PLEKHB1: variants seen among roughly 807,000 people sequenced by gnomAD.
The protein encoded by PLEKHB1 is pleckstrin homology domain-containing family B member 1.
A neutral mutation model predicts 36.2 loss-of-function variants in PLEKHB1; 29 were observed. That is an observed-to-expected ratio of 0.80 (90% CI 0.60 to 1.09). The LOEUF (loss-of-function observed/expected upper bound fraction) is 1.09, where lower values mean the gene tolerates loss of function less well. Among genes scored for constraint, PLEKHB1 ranks in the 50% least tolerant of loss-of-function variants. PLEKHB1 has a pLI of 0.00. For missense variants in PLEKHB1, 330 were observed against 348.2 expected (o/e 0.95, Z 0.42); for synonymous variants, 138 against 140.0 (o/e 0.99, Z 0.10).
chr11:73,658,150 C>T (rs1945030399), intron 6 of PLEKHB1, among the ~76,000 whole-genome samples: 1 of 152,188 alleles, frequency 6.6e-6, no homozygotes, highest in South Asian at 2.1e-4. Context: ...CATCCAAGGG[C>T]TGTGAGTGTC....
chr11:73,657,511 A>G (rs1945017682), intron 6 of PLEKHB1, among the ~76,000 whole-genome samples: 1 of 152,132 alleles, frequency 6.6e-6, no homozygotes, highest in South Asian at 2.1e-4. Flanking sequence ...GGAGAGGGAG[A>G]GGCAGGTTCA....
At chr11:73,659,963 A>C (rs1682935580) in intron 6 of PLEKHB1, among the ~76,000 whole-genome samples, 1 of 152,182 alleles carries the variant, frequency 6.6e-6, no homozygotes, top group South Asian at 2.1e-4. Flanking sequence ...CACATATACA[A>C]AGGTGGTTCC....
rs765137686 is a variant in PLEKHB1, at chr11:73,650,525, T to C, written c.95-28T>C. The stretch of plus-strand genomic sequence containing the variant: ...TTCCCAGCAGGCTCTGGGATCAGCC[T>C]GCCTAGTGCATCTGGAATATCGTAC... On this transcript the variant is annotated intron_variant, in intron 2 of 7. Coordinates refer to ENST00000354190, the MANE Select transcript of PLEKHB1 (RefSeq NM_021200.3). The C allele has an allele frequency of 4.4e-6, 7 of 1,585,104 alleles. No homozygotes were observed. In the Admixed American group the frequency reaches 1.3e-4, roughly 28 times the overall value.
chr11:73,660,687 G>T, intron 6 of PLEKHB1, 66 bp from the exon 7 acceptor site: 1 of 1,467,840 alleles, frequency 6.8e-7, no homozygotes, highest in Non-Finnish European at 9.3e-7. Flanking sequence ...TGTGCCAGGC[G>T]TGGGGGTAGG....
chr11:73,651,869 C>T lies in PLEKHB1; in HGVS notation c.329C>T (p.Ala110Val), dbSNP rs768898249. Residue 110 changes from alanine (A) to valine (V), a missense_variant, in exon 4 of 8, where the codon GCG becomes GTG. By Grantham distance (64) the Ala-to-Val change is moderately conservative (BLOSUM62 0). Coordinates refer to ENST00000354190, the MANE Select transcript of PLEKHB1 (RefSeq NM_021200.3). The stretch of plus-strand genomic sequence containing the variant: ...GAAGGCGGCCGCCTGCACCTCTGTG[C>T]GGAGACCAAGGATGATGCCCTGTGA... ...LREGGRLHLC[A>V]ETKDDALAWK... 3.1e-6 allele frequency: 5 copies of T among 1,613,342 alleles called. No homozygotes were observed. Among genetic ancestry groups the T allele is most frequent in the South Asian group, 1.1e-5 (1 of 91,060 alleles).
At chr11:73,653,323 C>G (rs6592527) in intron 5 of PLEKHB1, 448,701 of 623,658 alleles carry the variant, frequency 0.72, 163,153 homozygotes, top group Middle Eastern at 0.77. Flanking sequence ...TCCAGCTGCT[C>G]CTCACAACAG....
chr11:73,650,518 A>T, intron 2 of PLEKHB1, 35 bp from the exon 3 acceptor site: 4 of 1,572,346 alleles, frequency 2.5e-6, no homozygotes, highest in South Asian at 1.2e-5. Flanking sequence ...AGGCTCTGGG[A>T]TCAGCCTGCC....
chr11:73,651,587 T>C (rs921636334), intron 3 of PLEKHB1: 8 of 664,378 alleles, frequency 1.2e-5, no homozygotes, highest in Non-Finnish European at 2.2e-5. Context: ...GGAGGTGTGC[T>C]GAGGGAAGCC....
rs373886180 is a variant in PLEKHB1, at chr11:73,661,556, C to T, written c.686C>T (p.Thr229Ile). Residue 229 changes from threonine to isoleucine, a missense_variant, in exon 8 of 8, where the codon ACT becomes ATT. Thr to Ile is a moderately conservative substitution (Grantham distance 89). Coordinates refer to ENST00000354190, the MANE Select transcript of PLEKHB1 (RefSeq NM_021200.3). This position sits in a 1 kb window ranked among gnomAD's most constrained non-coding sequence, Gnocchi z 4.6. ...ATGGGCATGCTTGCGGGAGCCGCCACTGGGGCGGCGCTGGGCTCGCTCATG... is the reference window on the plus strand; with the variant it reads ...ATGGGCATGCTTGCGGGAGCCGCCATTGGGGCGGCGCTGGGCTCGCTCATG... Reference protein sequence around the residue: ...LAMGMLAGAATGAALGSLMWS... With the variant: ...LAMGMLAGAAIGAALGSLMWS... 6.2e-7 allele frequency: 1 copy of T among 1,609,596 alleles called. No individual in the cohort carries two copies. The highest frequency in any genetic ancestry group is 8.5e-7 in the Non-Finnish European group (1 of 1,177,656).
intron 6 of PLEKHB1, among the ~76,000 whole-genome samples, chr11:73,658,349 G>C (rs1361946904): frequency 3.3e-5 from 5 of 152,194 alleles, no homozygotes; most frequent in Non-Finnish European, 7.3e-5. Flanking sequence ...TCATGACATG[G>C]GGATTGCATC....
At chr11:73,656,082 C>A (rs1375381743) in intron 6 of PLEKHB1, among the ~76,000 whole-genome samples, 175 bp downstream of exon 6, 1 of 152,210 alleles carries the variant, frequency 6.6e-6, no homozygotes, top group East Asian at 1.9e-4. Context: ...AGACCTTTTC[C>A]CTCTGCCAGC....
chr11:73,647,587 G>A (rs1034654977), intron 1 of PLEKHB1: 2 of 985,430 alleles, frequency 2.0e-6, no homozygotes, highest in Non-Finnish European at 2.4e-6. Context: ...GGAGGGCGGG[G>A]CCCGGGGGCA....
chr11:73,648,225 G>C (rs530450576), intron 1 of PLEKHB1: 2 of 155,572 alleles, frequency 1.3e-5, no homozygotes, highest in Non-Finnish European at 2.8e-5. Context: ...GCCTGGTATC[G>C]GAAGTTCTCA....
At chr11:73,649,883 A>C (rs893524589) in intron 2 of PLEKHB1, among the ~76,000 whole-genome samples, 3 of 152,222 alleles carry the variant, frequency 2.0e-5, no homozygotes, top group African/African-American at 7.2e-5. Flanking sequence ...GATGCTACAC[A>C]AATAACCATC....
chr11:73,648,578 T>C, intron 1 of PLEKHB1: 6 of 959,076 alleles, frequency 6.3e-6, no homozygotes, highest in Non-Finnish European at 7.5e-6. Flanking sequence ...CATTACAGAA[T>C]CCCAAGGTTT....
intron 6 of PLEKHB1, 56 bp from the exon 7 acceptor site, chr11:73,660,697 G>A (rs1945087594): frequency 5.9e-6 from 9 of 1,521,132 alleles, no homozygotes; most frequent in African/African-American, 2.8e-5. Context: ...GTGGGGGTAG[G>A]GGACCAAATC....
rs919718087 is a variant in PLEKHB1 at position 73,661,905 on chromosome 11, C to T, written c.*303C>T. On this transcript the variant is annotated 3_prime_UTR_variant, in exon 8 of 8. Transcript: ENST00000354190. This position sits in a 1 kb window ranked among gnomAD's most constrained non-coding sequence, Gnocchi z 4.6. ...CAACAGGGCACAGCAAATACGACTT[C>T]ATTTGGCTTCGAGTTCCCCAGGCGC... The T allele has an allele frequency of 2.7e-5, 9 of 335,912 alleles. No individual in the cohort carries two copies. Among genetic ancestry groups the T allele is most frequent in the Admixed American group, 2.6e-4 (6 of 22,796 alleles). 20.8% of individuals were successfully genotyped at this position (335,912 alleles called of 1,614,324 possible). A position where few individuals can be genotyped will look rare whatever the true frequency, so the allele number is the denominator to read the frequency against.
Position 73,651,458 on chromosome 11 carries a change from G to A in PLEKHB1, c.248-330G>A, listed in dbSNP as rs140966616. 9.3e-4 allele frequency: 486 copies of A among 525,054 alleles called. 2 individuals carry two copies. Among genetic ancestry groups the A allele is most frequent in the African/African-American group, 7.8e-3 (412 of 52,930 alleles). 32.5% of individuals were successfully genotyped at this position (525,054 alleles called of 1,614,324 possible). On this transcript the variant is annotated intron_variant, in intron 3 of 7. Transcript: ENST00000354190. The stretch of plus-strand genomic sequence containing the variant: ...CACAGTTCCTGCCCTCCAGGCGCTC[G>A]GTACTGGATGAAGACGAAATGAAAT...
chr11:73,653,562 G>A, intron 5 of PLEKHB1: 1 of 428,380 alleles, frequency 2.3e-6, no homozygotes, highest in South Asian at 1.6e-5. Flanking sequence ...AGTAATAACA[G>A]CTCTGACAGA....
Sources: allele counts gnomAD v4.1 joint callset (sites outside exome capture counted in the v4.1 genomes callset), GRCh38; gene constraint gnomAD v4.1.1; non-coding constraint Gnocchi (gnomAD v3.1); transcripts MANE v1.5; gene names NCBI Gene and HGNC (gene_info 2026-07-23, HGNC 2026-07-21).